The following CFH variants were observed in gnomAD, a reference collection of about 807,000 sequenced individuals.
CFH encodes the protein complement factor H, also known as H factor 1 (complement).
CFH carries 53 observed loss-of-function variants against 147.3 expected under a neutral mutation model. The ratio of observed to expected loss-of-function variants is 0.36; its 90% CI spans 0.29 to 0.45. The LOEUF (loss-of-function observed/expected upper bound fraction) is 0.45, where lower values mean the gene tolerates loss of function less well. Among genes scored for constraint, CFH ranks in the 20% least tolerant of loss-of-function variants. The pLI is 1.00. For missense variants in CFH, 1,380 were observed against 1,498.0 expected (o/e 0.92, Z 1.30); for synonymous variants, 536 against 489.4 (o/e 1.10, Z -1.26).
At chr1:196,696,772 A>C (rs539584347) in intron 9 of CFH, among the ~76,000 whole-genome samples, 49 of 152,370 alleles carry the variant, frequency 3.2e-4, no homozygotes, top group African/African-American at 1.2e-3. Flanking sequence ...AGCCCACAGT[A>C]ACCAAAATAG....
chr1:196,725,492 C>T (rs1669114142), intron 12 of CFH, among the ~76,000 whole-genome samples, 195 bp downstream of exon 12: 1 of 152,158 alleles, frequency 6.6e-6, no homozygotes, highest in South Asian at 2.1e-4. Context: ...GTTTCTTGAA[C>T]GATGTGCTGG....
chr1:196,704,841 C>G lies in CFH; in HGVS notation c.1337-8894C>G, dbSNP rs187070534. ...ATTTGAGGGCTACTAGGCAAATTTTCAAAGCCATTTATCTGGTGATAACTG... is the reference window on the plus strand; with the variant it reads ...ATTTGAGGGCTACTAGGCAAATTTTGAAAGCCATTTATCTGGTGATAACTG... On this transcript the variant is annotated intron_variant, in intron 9 of 21. Coordinates refer to ENST00000367429, the MANE Select transcript of CFH (RefSeq NM_000186.4). 5.3e-5 allele frequency among the ~76,000 whole-genome samples: 8 copies of G among 152,314 alleles called. No homozygotes were observed. In the East Asian group the frequency reaches 1.5e-3, roughly 29 times the overall value.
chr1:196,732,443 T>C (rs186581804), intron 15 of CFH, among the ~76,000 whole-genome samples: 1 of 152,200 alleles, frequency 6.6e-6, no homozygotes, highest in East Asian at 1.9e-4. Context: ...GAATTCTTTC[T>C]TGAGTAAAAC....
intron 20 of CFH, among the ~76,000 whole-genome samples, chr1:196,744,879 A>T (rs868265594): frequency 6.6e-6 from 1 of 152,236 alleles, no homozygotes; most frequent in East Asian, 1.9e-4. Context: ...GCATAGGTCT[A>T]CTGGAGACAA....
intron 9 of CFH, among the ~76,000 whole-genome samples, chr1:196,693,871 G>T (rs1357389691): frequency 6.6e-6 from 1 of 151,636 alleles, no homozygotes; most frequent in African/African-American, 2.4e-5. Flanking sequence ...ATGCTGTTAA[G>T]AAAAATATTC....
chr1:196,737,667 C>T lies in CFH; in HGVS notation c.2782+7C>T. On this transcript the variant is annotated splice_region_variant and intron_variant, in intron 17 of 21. Transcript: ENST00000367429. ...TCTCCACCTCAGTGTGAAGGTTAGG[C>T]CAATATGAATACTCAATTTCTGTTT... 6.2e-7 allele frequency: 1 copy of T among 1,610,196 alleles called. No homozygotes were observed. Among genetic ancestry groups the T allele is most frequent in the Non-Finnish European group, 8.5e-7 (1 of 1,176,994 alleles).
intron 15 of CFH, among the ~76,000 whole-genome samples, chr1:196,729,110 G>T (rs1669221038): frequency 6.6e-6 from 1 of 151,832 alleles, no homozygotes. Flanking sequence ...TCTGTATTTT[G>T]CTATCCAATT....
intron 14 of CFH, among the ~76,000 whole-genome samples, 155 bp downstream of exon 14, chr1:196,727,095 A>T (rs910212375): frequency 6.6e-6 from 1 of 152,168 alleles, no homozygotes; most frequent in Non-Finnish European, 1.5e-5. Context: ...TTATAATTCA[A>T]TATGTGTCTA....
intron 6 of CFH, among the ~76,000 whole-genome samples, chr1:196,684,471 A>T (rs1340847838): frequency 1.3e-5 from 2 of 151,988 alleles, no homozygotes; most frequent in Admixed American, 1.3e-4. Context: ...TCATTGTATT[A>T]ATTGTAAGAA....
chr1:196,679,557 A>G, intron 5 of CFH, 66 bp from the exon 6 acceptor site: 1 of 1,233,638 alleles, frequency 8.1e-7, no homozygotes, highest in Non-Finnish European at 1.2e-6. Context: ...TTTTCATATA[A>G]TTATGTCCTG....
At chr1:196,732,392 G>T (rs1669299704) in intron 15 of CFH, among the ~76,000 whole-genome samples, 1 of 151,750 alleles carries the variant, frequency 6.6e-6, no homozygotes, top group South Asian at 2.1e-4. Flanking sequence ...TTTTTGCATT[G>T]CTCTCTTGGT....
intron 1 of CFH, among the ~76,000 whole-genome samples, chr1:196,666,340 G>T (rs34388368): frequency 0.22 from 33,453 of 151,934 alleles, 4,027 homozygotes; most frequent in East Asian, 0.35. Flanking sequence ...ATTTCCAACA[G>T]TTTTTTATTT....
At chr1:196,723,098 T>C (rs978555093) in intron 11 of CFH, among the ~76,000 whole-genome samples, 1 of 152,212 alleles carries the variant, frequency 6.6e-6, no homozygotes, top group Non-Finnish European at 1.5e-5. Context: ...TTAGGACTTA[T>C]TGCTGAAGAG....
At chr1:196,712,820 C>T (rs1220977958) in intron 9 of CFH, among the ~76,000 whole-genome samples, 12 of 140,214 alleles carry the variant, frequency 8.6e-5, no homozygotes, top group Middle Eastern at 7.5e-3. Flanking sequence ...CCTGTGTCCA[C>T]GTGTTCTCAT....
At chr1:196,745,097 A>AT (rs1184859961) in intron 20 of CFH, among the ~76,000 whole-genome samples, 3 of 151,988 alleles carry the variant, frequency 2.0e-5, no homozygotes, top group Non-Finnish European at 1.5e-5. Context: ...CTTTCAAGGT[A>AT]TTTTTTTCTT....
At chr1:196,686,217 G>A (rs548317042) in intron 7 of CFH, among the ~76,000 whole-genome samples, 2 of 152,216 alleles carry the variant, frequency 1.3e-5, no homozygotes, top group South Asian at 4.1e-4. Flanking sequence ...TGGGGACACA[G>A]AGCCAAACCA....
At chr1:196,685,709 G>T (rs771243430) in intron 7 of CFH, among the ~76,000 whole-genome samples, 64 of 152,152 alleles carry the variant, frequency 4.2e-4, no homozygotes, top group Admixed American at 2.2e-3. Context: ...CAGAAGGCTT[G>T]GCTGGGAAGG....
At chr1:196,730,272 C>G (rs1188728632) in intron 15 of CFH, among the ~76,000 whole-genome samples, 1 of 151,770 alleles carries the variant, frequency 6.6e-6, no homozygotes, top group East Asian at 1.9e-4. Context: ...ATAAGTTTTG[C>G]TACGTTTTGT....
chr1:196,695,262 G>A (rs751378935), intron 9 of CFH, among the ~76,000 whole-genome samples: 1 of 152,050 alleles, frequency 6.6e-6, no homozygotes, highest in South Asian at 2.1e-4. Context: ...ATTCAATAGG[G>A]AATCTTTTCC....
Sources: allele counts gnomAD v4.1 joint callset (sites outside exome capture counted in the v4.1 genomes callset), GRCh38; gene constraint gnomAD v4.1.1; transcripts MANE v1.5; gene names NCBI Gene and HGNC (gene_info 2026-07-23, HGNC 2026-07-21).